MAD1L1: variants seen among roughly 807,000 people sequenced by gnomAD.
MAD1L1 encodes mitotic spindle assembly checkpoint protein MAD1.
A neutral mutation model predicts 96.9 loss-of-function variants in MAD1L1; 95 were observed. The ratio of observed to expected loss-of-function variants is 0.98; its 90% confidence interval spans 0.83 to 1.16. The LOEUF is 1.16. MAD1L1 is among the 50% of genes most tolerant of loss of function. MAD1L1 has a pLI of 0.00. For missense variants in MAD1L1, 1,007 were observed against 954.4 expected (o/e 1.06, Z -0.73); for synonymous variants, 473 against 396.6 (o/e 1.19, Z -2.29).
chr7:1,819,607 C>G (rs1390871675), intron 18 of MAD1L1, among the ~76,000 whole-genome samples: 1 of 152,160 alleles, frequency 6.6e-6, no homozygotes, highest in Non-Finnish European at 1.5e-5. Context: ...AGTGCTCACT[C>G]GGTGCCTAGG....
chr7:1,950,239 C>A (rs754569226), intron 16 of MAD1L1, among the ~76,000 whole-genome samples: 1 of 152,240 alleles, frequency 6.6e-6, no homozygotes, highest in African/African-American at 2.4e-5. Flanking sequence ...TGACCTCAGT[C>A]TCATGTCACC....
chr7:2,073,560 G>T (rs557092967), intron 11 of MAD1L1, among the ~76,000 whole-genome samples: 1 of 152,116 alleles, frequency 6.6e-6, no homozygotes, highest in African/African-American at 2.4e-5. Flanking sequence ...CCCCGAATAC[G>T]CCTGCTCTTC....
rs76057105 is a variant in MAD1L1, at chr7:2,072,572, T to C, written c.1074-3234A>G. ...AATTTAATACTCAAGGGCTGTAAAA[T>C]CTACTCTTGAATCACTGAATTCAGG... On this transcript the variant is annotated intron_variant, in intron 11 of 18. Coordinates refer to ENST00000265854, the MANE Select transcript of MAD1L1 (RefSeq NM_001013836.2). 9.8e-5 allele frequency among the ~76,000 whole-genome samples: 15 copies of C among 152,346 alleles called. No individual in the cohort carries two copies. In the East Asian group the frequency reaches 2.9e-3, roughly 29 times the overall value.
chr7:2,188,163 T>C (rs1304049812), intron 10 of MAD1L1, among the ~76,000 whole-genome samples: 1 of 152,242 alleles, frequency 6.6e-6, no homozygotes, highest in East Asian at 1.9e-4. Context: ...AAGAGACCAA[T>C]GAATTTTAGT....
At chr7:2,073,339 A>T (rs1785225006) in intron 11 of MAD1L1, among the ~76,000 whole-genome samples, 1 of 152,224 alleles carries the variant, frequency 6.6e-6, no homozygotes, top group Non-Finnish European at 1.5e-5. Context: ...TTTGTTAAAG[A>T]TCTGCAGGAG....
rs569289332 is a variant in MAD1L1 at position 1,894,205 on chromosome 7, A to G, written c.1998+3995T>C. On this transcript the variant is annotated intron_variant, in intron 18 of 18. Transcript: ENST00000265854. Reference sequence around the variant, plus strand: ...CAGAGCTCCTGCCAGAAGACTTGGCAGCTCTAGCGCTGTCTTCTTGGAACC... The same window carrying G: ...CAGAGCTCCTGCCAGAAGACTTGGCGGCTCTAGCGCTGTCTTCTTGGAACC... Among the ~76,000 whole-genome samples, 381 of 152,338 alleles carry G rather than the reference A, an allele frequency of 2.5e-3. 4 individuals are homozygous for G. The highest frequency in any genetic ancestry group is 8.4e-3 in the African/African-American group (350 of 41,576).
At chr7:1,932,702 A>T (rs1789551017) in intron 17 of MAD1L1, among the ~76,000 whole-genome samples, 2 of 152,250 alleles carry the variant, frequency 1.3e-5, no homozygotes, top group East Asian at 3.8e-4. Context: ...CCCCAACCAC[A>T]GACAGCCCAG....
chr7:2,184,024 G>A (rs1791336423), intron 10 of MAD1L1, among the ~76,000 whole-genome samples: 1 of 152,100 alleles, frequency 6.6e-6, no homozygotes, highest in Non-Finnish European at 1.5e-5. Context: ...GCCGAGGCGG[G>A]TGGATCACGA....
rs117001298 is a variant in MAD1L1 at position 1,923,263 on chromosome 7, T to C, written c.1807+13424A>G. ...AGTCTGTGGTTGAAGCTTGCTGGAGTTTCTGTCACTGGTTGGGTGTTTGCC... is the reference window on the plus strand; with the variant it reads ...AGTCTGTGGTTGAAGCTTGCTGGAGCTTCTGTCACTGGTTGGGTGTTTGCC... On this transcript the variant is annotated intron_variant, in intron 17 of 18. Transcript: ENST00000265854. Among the ~76,000 whole-genome samples, 23 of 152,152 alleles carry C rather than the reference T, an allele frequency of 1.5e-4. No homozygotes were observed. In the East Asian group the frequency reaches 4.3e-3, roughly 28 times the overall value.
At chr7:1,831,568 G>C (rs1310273528) in intron 18 of MAD1L1, among the ~76,000 whole-genome samples, 1 of 152,220 alleles carries the variant, frequency 6.6e-6, no homozygotes, top group Non-Finnish European at 1.5e-5. Context: ...TAGTGAGGAA[G>C]GCATGTTGAA....
chr7:2,142,411 G>A lies in MAD1L1; in HGVS notation c.1073+6741C>T, dbSNP rs906550020. Among the ~76,000 whole-genome samples, 4 of 152,220 alleles carry A rather than the reference G, an allele frequency of 2.6e-5. No individual in the cohort carries two copies. The highest frequency in any genetic ancestry group is 4.1e-4 in the South Asian group (2 of 4,832). On this transcript the variant is annotated intron_variant, in intron 11 of 18. Transcript: ENST00000265854. This position sits in a 1 kb window ranked among gnomAD's most constrained non-coding sequence, Gnocchi z 4.7. ...GCACTGTGCGTCCCAGGCATGGTCC[G>A]GGGCTGCGGGAGAAACTCTTGGGAC...
At chr7:1,945,378 C>T (rs1407319957) in intron 16 of MAD1L1, among the ~76,000 whole-genome samples, 1 of 152,252 alleles carries the variant, frequency 6.6e-6, no homozygotes, top group Non-Finnish European at 1.5e-5. Context: ...TGAACACTTA[C>T]TACACTCGGA....
chr7:2,009,297 G>T (rs1402159229), intron 13 of MAD1L1, among the ~76,000 whole-genome samples: 1 of 152,226 alleles, frequency 6.6e-6, no homozygotes, highest in Non-Finnish European at 1.5e-5. Flanking sequence ...AGGACAGGCA[G>T]CCACAGACCC....
At chr7:2,036,320 G>T (rs1419889276) in intron 12 of MAD1L1, among the ~76,000 whole-genome samples, 1 of 151,316 alleles carries the variant, frequency 6.6e-6, no homozygotes, top group East Asian at 1.9e-4. Flanking sequence ...TGACAAGTCG[G>T]GACAGAGCTG....
chr7:2,081,686 C>T (rs574716381), intron 11 of MAD1L1, among the ~76,000 whole-genome samples: 32 of 152,390 alleles, frequency 2.1e-4, no homozygotes, highest in South Asian at 1.4e-3. Context: ...CGTCACTGTT[C>T]CAGCCCCCGT....
rs115019570 is a variant in MAD1L1 at position 1,946,672 on chromosome 7, A to T, written c.1597-9775T>A. 4.7e-3 allele frequency among the ~76,000 whole-genome samples: 710 copies of T among 152,282 alleles called. 7 individuals are homozygous for T. Among genetic ancestry groups the T allele is most frequent in the South Asian group, 9.1e-3 (44 of 4,830 alleles). Reference sequence around the variant, plus strand: ...AGCCGGCTGGCGGGTGCAGCGGGAGAATGCTGGGACGGGCAGGGCAGGTCC... The same window carrying T: ...AGCCGGCTGGCGGGTGCAGCGGGAGTATGCTGGGACGGGCAGGGCAGGTCC... On this transcript the variant is annotated intron_variant, in intron 16 of 18. Coordinates refer to ENST00000265854, the MANE Select transcript of MAD1L1 (RefSeq NM_001013836.2).
intron 11 of MAD1L1, among the ~76,000 whole-genome samples, chr7:2,086,417 A>C (rs1785920683): frequency 6.6e-6 from 1 of 152,276 alleles, no homozygotes; most frequent in Non-Finnish European, 1.5e-5. Flanking sequence ...GGCTCCAGAC[A>C]GGTCAGTCAG....
intron 17 of MAD1L1, among the ~76,000 whole-genome samples, chr7:1,918,580 T>G (rs1788571476): frequency 6.6e-6 from 1 of 152,204 alleles, no homozygotes; most frequent in African/African-American, 2.4e-5. Context: ...GGTGGTACCC[T>G]TCCTCTACCC....
In MAD1L1 at chr7:2,115,772, G is replaced by A. The variant is rs543096391; in HGVS notation, c.1073+33380C>T. On this transcript the variant is annotated intron_variant, in intron 11 of 18. Transcript: ENST00000265854. Reference sequence around the variant, plus strand: ...CTGGCCAAACAGAAGGACCTGCCGCGCATGACCTGCATGGAGCGCTCGGAG... The same window carrying A: ...CTGGCCAAACAGAAGGACCTGCCGCACATGACCTGCATGGAGCGCTCGGAG... Among the ~76,000 whole-genome samples, 4 of 152,362 alleles carry A rather than the reference G, an allele frequency of 2.6e-5. No homozygotes were observed. The South Asian group carries it at 6.2e-4, about 24-fold the overall frequency.
Sources: allele counts gnomAD v4.1 joint callset (sites outside exome capture counted in the v4.1 genomes callset), GRCh38; gene constraint gnomAD v4.1.1; non-coding constraint Gnocchi (gnomAD v3.1); transcripts MANE v1.5; gene names NCBI Gene and HGNC (gene_info 2026-07-23, HGNC 2026-07-21).